The following FRYL variants were observed in gnomAD, a reference collection of about 807,000 sequenced individuals.
The protein encoded by FRYL is protein furry homolog-like.
In FRYL, 150 loss-of-function variants were observed where a neutral mutation model predicts 351.2. The observed-to-expected ratio is 0.43, with a 90% CI of 0.37 to 0.49. The LOEUF is 0.49. FRYL is among the 20% of genes least tolerant of loss of function. The pLI is 0.00. For missense variants in FRYL, 3,036 were observed against 3,619.3 expected (o/e 0.84, Z 4.13); for synonymous variants, 1,153 against 1,257.1 (o/e 0.92, Z 1.75).
chr4:48,543,974 G>C lies in FRYL; in HGVS notation c.5425C>G (p.Leu1809Val). 1 of 1,613,674 alleles carries C rather than the reference G, an allele frequency of 6.2e-7. No homozygotes were observed. Among genetic ancestry groups the C allele is most frequent in the Non-Finnish European group, 8.5e-7 (1 of 1,179,714 alleles). ...GCTGTTTGCAGAGCAACTTCACTAA[G>C]ATGATGTTCCAGATGAATTCCTTCT... is the stretch of plus-strand genomic sequence containing the variant. ...SSEGIHLEHH[L>V]SEVALQTALS... is the part of the protein sequence containing the mutation. The change falls in exon 44 of 64, where the codon CTT becomes GTT. Residue 1809 changes from leucine to valine, a missense_variant. Leu to Val is a conservative substitution (Grantham distance 32). Coordinates refer to ENST00000358350, the MANE Select transcript of FRYL (RefSeq NM_015030.2).
At chr4:48,580,688 T>C (rs2149157839) in intron 22 of FRYL, 177 bp downstream of exon 22, 1 of 484,484 alleles carries the variant, frequency 2.1e-6, no homozygotes, top group Non-Finnish European at 3.6e-6. Flanking sequence ...TAACCAAGTA[T>C]AAATGAATGT....
chr4:48,517,709 A>C (rs900133975), intron 55 of FRYL, among the ~76,000 whole-genome samples: 22 of 152,344 alleles, frequency 1.4e-4, no homozygotes, highest in African/African-American at 5.0e-4. Flanking sequence ...ATTACAGAGA[A>C]GAAAGGGACA....
intron 1 of FRYL, among the ~76,000 whole-genome samples, chr4:48,740,199 G>A (rs1473795512): frequency 6.6e-6 from 1 of 151,998 alleles, no homozygotes; most frequent in East Asian, 1.9e-4. Context: ...TCACAGACTG[G>A]GAGAAAATAT....
intron 37 of FRYL, among the ~76,000 whole-genome samples, chr4:48,551,206 C>T (rs550908260): frequency 6.6e-6 from 1 of 152,172 alleles, no homozygotes; most frequent in Non-Finnish European, 1.5e-5. Context: ...GCATACAAAA[C>T]AGGTGGAGTA....
Position 48,567,225 on chromosome 4 carries a change from C to T in FRYL, c.3169+23G>A. On this transcript the variant is annotated intron_variant, in intron 28 of 63. Coordinates refer to ENST00000358350, the MANE Select transcript of FRYL (RefSeq NM_015030.2). This position sits in a 1 kb window ranked among gnomAD's most constrained non-coding sequence, Gnocchi z 4.2. ...GACGGTTCCTTAATACTCAATAATG[C>T]TTTAAGAAACTGAAAATAATACCTG... The T allele has an allele frequency of 6.3e-7, 1 of 1,584,618 alleles. No individual in the cohort carries two copies.
intron 47 of FRYL, among the ~76,000 whole-genome samples, chr4:48,536,085 G>A (rs1728811688): frequency 6.6e-6 from 1 of 152,210 alleles, no homozygotes; most frequent in Non-Finnish European, 1.5e-5. Context: ...CTGAAGATCT[G>A]TAAACTGTCT....
chr4:48,762,676 G>A (rs1774533415), intron 1 of FRYL, among the ~76,000 whole-genome samples: 1 of 152,020 alleles, frequency 6.6e-6, no homozygotes. Flanking sequence ...CCTCTCACTG[G>A]AAAAATGCAC....
intron 3 of FRYL, among the ~76,000 whole-genome samples, chr4:48,660,945 A>C (rs555359696): frequency 6.6e-6 from 1 of 152,364 alleles, no homozygotes; most frequent in South Asian, 2.1e-4. Flanking sequence ...AGAGGAGCCT[A>C]AGGAAATGTG....
intron 1 of FRYL, among the ~76,000 whole-genome samples, chr4:48,725,227 C>T (rs1240960112): frequency 2.0e-5 from 3 of 152,208 alleles, no homozygotes. Context: ...ACTCCAAGAG[C>T]CTGCCTGCCA....
At chr4:48,697,383 AT>A (rs1766300695) in intron 2 of FRYL, among the ~76,000 whole-genome samples, 1 of 152,222 alleles carries the variant, frequency 6.6e-6, no homozygotes, top group Non-Finnish European at 1.5e-5. Context: ...ACTTCAAAAA[AT>A]AATGTATTTT....
At chr4:48,708,658 T>C (rs1201462476) in intron 2 of FRYL, among the ~76,000 whole-genome samples, 9 of 152,202 alleles carry the variant, frequency 5.9e-5, no homozygotes, top group African/African-American at 2.2e-4. Context: ...AGTGGCGCAA[T>C]CATAGCTCAC....
intron 20 of FRYL, among the ~76,000 whole-genome samples, chr4:48,582,130 C>A (rs1001279033): frequency 3.9e-5 from 6 of 152,286 alleles, no homozygotes; most frequent in Admixed American, 3.3e-4. Context: ...AGCACAGTTA[C>A]TGTCTATGTG....
rs1171341733 is a variant in FRYL, at chr4:48,673,180, T to C, written c.-81+11493A>G. ...CTTGTTTTGTAAAAGTCATGTAAAA[T>C]AGCCATTTACTTAATCAGTTTATCT... On this transcript the variant is annotated intron_variant, in intron 3 of 63. Coordinates refer to ENST00000358350, the MANE Select transcript of FRYL (RefSeq NM_015030.2). Among the ~76,000 whole-genome samples the C allele has an allele frequency of 2.0e-5, 3 of 152,298 alleles. No individual in the cohort carries two copies. In the East Asian group the frequency reaches 5.8e-4, roughly 29 times the overall value.
intron 2 of FRYL, among the ~76,000 whole-genome samples, chr4:48,686,154 T>C (rs1320982674): frequency 1.3e-5 from 2 of 152,208 alleles, no homozygotes; most frequent in Non-Finnish European, 2.9e-5. Flanking sequence ...CTTTAATTAA[T>C]TTAATCTCCA....
intron 1 of FRYL, among the ~76,000 whole-genome samples, chr4:48,714,370 G>A (rs879414556): frequency 4.5e-5 from 6 of 131,994 alleles, no homozygotes; most frequent in Admixed American, 7.9e-5. Context: ...TTGATAGACC[G>A]CTAGCAAGAC....
intron 2 of FRYL, among the ~76,000 whole-genome samples, chr4:48,686,780 G>T (rs1765187818): frequency 6.6e-6 from 1 of 152,200 alleles, no homozygotes; most frequent in Non-Finnish European, 1.5e-5. Flanking sequence ...TGCTTTTGTT[G>T]TATGTGTTTA....
chr4:48,636,322 G>C (rs1430410904), intron 3 of FRYL, among the ~76,000 whole-genome samples: 2 of 151,968 alleles, frequency 1.3e-5, no homozygotes, highest in Admixed American at 1.3e-4. Context: ...TTAACTTAAG[G>C]TAGTGGTTAC....
intron 1 of FRYL, among the ~76,000 whole-genome samples, chr4:48,754,922 G>A (rs1183739388): frequency 2.3e-4 from 35 of 152,096 alleles, no homozygotes; most frequent in Non-Finnish European, 1.6e-4. Flanking sequence ...GATTACAGGC[G>A]TGAGCCACTG....
intron 1 of FRYL, among the ~76,000 whole-genome samples, chr4:48,778,778 CTAGGCAGCACAGCATTTTA>C: frequency 6.6e-6 from 1 of 152,264 alleles, no homozygotes; most frequent in African/African-American, 2.4e-5. Context: ...ACGATATCTC[CTAGGCAGCACAGCATTTTA>C]TAAAACCAAC....
Sources: gnomAD v4.1 joint callset for allele counts (sites outside exome capture counted in the v4.1 genomes callset) on GRCh38, gnomAD v4.1.1 for gene constraint, Gnocchi (gnomAD v3.1) non-coding constraint, MANE v1.5 for transcripts, NCBI Gene and HGNC (gene_info 2026-07-23, HGNC 2026-07-21) for gene names.